The following KCNT1 variants were observed in gnomAD, a reference collection of about 807,000 sequenced individuals.
KCNT1 encodes the protein potassium sodium-activated channel subfamily T member 1, also known as potassium channel subfamily T member 1.
A neutral mutation model predicts 147.8 loss-of-function variants in KCNT1; 78 were observed. That is an observed-to-expected ratio of 0.53 (90% confidence interval 0.44 to 0.64). The LOEUF (loss-of-function observed/expected upper bound fraction) is 0.64, where lower values mean the gene tolerates loss of function less well. Ranked by LOEUF, KCNT1 falls within the 30% of genes least tolerant of loss-of-function variation. The pLI is 0.00. For synonymous variants in KCNT1, 867 were observed against 748.8 expected (o/e 1.16, Z -2.58); for missense variants, 1,419 against 1,750.3 (o/e 0.81, Z 3.38).
intron 1 of KCNT1, among the ~76,000 whole-genome samples, chr9:135,705,437 G>A (rs902405167): frequency 3.9e-5 from 6 of 152,254 alleles, no homozygotes; most frequent in Non-Finnish European, 5.9e-5. Context: ...GAACCTGGGC[G>A]CTCCGTGAGC....
chr9:135,757,331 C>G lies in KCNT1; in HGVS notation c.709C>G (p.Pro237Ala). 1 of 1,611,850 alleles carries G rather than the reference C, an allele frequency of 6.2e-7. No homozygotes were observed. Among genetic ancestry groups the G allele is most frequent in the Non-Finnish European group, 8.5e-7 (1 of 1,179,988 alleles). The change falls in exon 9 of 31, where the codon CCC becomes GCC. Residue 237 changes from proline to alanine, a missense_variant. Coordinates refer to ENST00000371757, the MANE Select transcript of KCNT1 (RefSeq NM_020822.3). Reference sequence around the variant, plus strand: ...GCCGCCGCTGCGGAACCTGTTCATCCCCGTCTTTCTGAACTGCTGGCTGGC... The same window carrying G: ...GCCGCCGCTGCGGAACCTGTTCATCGCCGTCTTTCTGAACTGCTGGCTGGC... ...FWPPLRNLFI[P>A]VFLNCWLAKH...
At position 135,775,388 on chromosome 9, in the gene KCNT1, C is replaced by T. The variant is rs1833090098; in HGVS notation, c.2322C>T (p.Ala774=). 1 of 1,611,274 alleles carries T rather than the reference C, an allele frequency of 6.2e-7. No individual in the cohort carries two copies. The highest frequency in any genetic ancestry group is 8.5e-7 in the Non-Finnish European group (1 of 1,178,660). The change falls in exon 20 of 31, where the codon GCC becomes GCT. Residue 774 remains alanine, a synonymous_variant. Coordinates refer to ENST00000371757, the MANE Select transcript of KCNT1 (RefSeq NM_020822.3). The part of the protein sequence containing the change: ...PTLCHLLPVK[A]PFCCLRLDKG... ...TGTGCCACCTCCTGCCTGTGAAAGC[C>T]CCCTTCTGCTGCCTGCGGCTGGACA...
At chr9:135,769,112 C>A (rs1240140836) in intron 15 of KCNT1, among the ~76,000 whole-genome samples, 175 bp downstream of exon 15, 1 of 96,438 alleles carries the variant, frequency 1.0e-5, no homozygotes, top group Admixed American at 8.9e-5. Context: ...CGTGTGCACA[C>A]GTGGGTGTCG....
Position 135,714,290 on chromosome 9 carries a change from A to G in KCNT1, c.111-287A>G, listed in dbSNP as rs1835624967. 6.6e-6 allele frequency among the ~76,000 whole-genome samples: 1 copy of G among 151,526 alleles called. No individual in the cohort carries two copies. The highest frequency in any genetic ancestry group is 2.4e-5 in the African/African-American group (1 of 41,294). On this transcript the variant is annotated intron_variant, in intron 1 of 30. Coordinates refer to ENST00000371757, the MANE Select transcript of KCNT1 (RefSeq NM_020822.3). This position sits in a 1 kb window ranked among gnomAD's most constrained non-coding sequence, Gnocchi z 6.2. ...CGCGCCTGTCCCTGAGCTGGCCATGACAGCTCCCGTCCCCCTTACCTCCTG... is the reference window on the plus strand; with the variant it reads ...CGCGCCTGTCCCTGAGCTGGCCATGGCAGCTCCCGTCCCCCTTACCTCCTG...
At position 135,735,669 on chromosome 9, in the gene KCNT1, C is replaced by T. The variant is rs529209066; in HGVS notation, c.255-14429C>T. On this transcript the variant is annotated intron_variant, in intron 2 of 30. Transcript: ENST00000371757. Reference sequence around the variant, plus strand: ...AGGCCCACCTGCCTCCCACAGGCCTCTGTACTCACTGGGCCCTGGCTGTTG... The same window carrying T: ...AGGCCCACCTGCCTCCCACAGGCCTTTGTACTCACTGGGCCCTGGCTGTTG... 3.3e-5 allele frequency among the ~76,000 whole-genome samples: 5 copies of T among 152,270 alleles called. No homozygotes were observed. In the East Asian group the frequency reaches 7.7e-4, roughly 24 times the overall value.
At chr9:135,757,466 C>T in intron 9 of KCNT1, 85 bp downstream of exon 9, 1 of 1,242,712 alleles carries the variant, frequency 8.0e-7, no homozygotes, top group South Asian at 1.2e-5. Flanking sequence ...GCGACGTAGC[C>T]TGCCACGCCC....
At position 135,771,066 on chromosome 9, in the gene KCNT1, T is replaced by C. The variant is rs1442527675; in HGVS notation, c.1979T>C (p.Leu660Pro). Residue 660 changes from leucine (L) to proline (P), a missense_variant, in exon 18 of 31, where the codon CTG becomes CCG. This residue lies in a region of KCNT1 where 284 missense variants were observed against 292.8 expected (regional missense o/e 0.97). Coordinates refer to ENST00000371757, the MANE Select transcript of KCNT1 (RefSeq NM_020822.3). ...GQGLHEGPARLPVHSIIASMG... is the reference protein window; with the variant it reads ...GQGLHEGPARPPVHSIIASMG... ...GGGCTGCACGAGGGTCCGGCCCGCCTGCCCGTGCACAGCATCATCGCCTCC... is the reference window on the plus strand; with the variant it reads ...GGGCTGCACGAGGGTCCGGCCCGCCCGCCCGTGCACAGCATCATCGCCTCC... 1 of 1,611,912 alleles carries C rather than the reference T, an allele frequency of 6.2e-7. No homozygotes were observed. Among genetic ancestry groups the C allele is most frequent in the African/African-American group, 1.3e-5 (1 of 75,030 alleles).
intron 2 of KCNT1, among the ~76,000 whole-genome samples, chr9:135,728,700 GC>G (rs1314100643): frequency 6.6e-6 from 1 of 152,228 alleles, no homozygotes; most frequent in Non-Finnish European, 1.5e-5. Context: ...GAGAGGGGCA[GC>G]CCAAGCCCAG....
chr9:135,764,169 T>C (rs999853453), intron 11 of KCNT1, among the ~76,000 whole-genome samples: 1 of 152,042 alleles, frequency 6.6e-6, no homozygotes, highest in Non-Finnish European at 1.5e-5. Flanking sequence ...TAACACGTGT[T>C]CAACAAGCCG....
chr9:135,731,960 G>GTA (rs776201547), intron 2 of KCNT1, among the ~76,000 whole-genome samples: 783 of 41,016 alleles, frequency 0.019, 31 homozygotes, highest in East Asian at 0.028. Context: ...AAATATGCGT[G>GTA]TATATATATA....
chr9:135,712,889 A>T (rs531435326), intron 1 of KCNT1, among the ~76,000 whole-genome samples: 1 of 152,354 alleles, frequency 6.6e-6, no homozygotes, highest in East Asian at 1.9e-4. Context: ...CAAGGGAAGA[A>T]GGGCATCTTG....
intron 6 of KCNT1, 67 bp from the exon 7 acceptor site, chr9:135,756,806 C>T: frequency 7.4e-7 from 1 of 1,357,236 alleles, no homozygotes. Context: ...CCCGCGAGGC[C>T]TGTGGGGTCA....
chr9:135,765,734 C>CA lies in KCNT1; in HGVS notation c.1314dup (p.Asp439ArgfsTer57), dbSNP rs1564363315. ...TCATCTACCTCCAGGGCTCTGCACT[C>CA]AAAGACCAGGACCTCATGCGAGCCA... On this transcript the variant is annotated frameshift_variant, in exon 13 of 31. Coordinates refer to ENST00000371757, the MANE Select transcript of KCNT1 (RefSeq NM_020822.3). LOFTEE classifies it high-confidence loss of function. 6 of 1,581,720 alleles carry CA rather than the reference C, an allele frequency of 3.8e-6. No individual in the cohort carries two copies. Among genetic ancestry groups the CA allele is most frequent in the Non-Finnish European group, 5.2e-6 (6 of 1,159,812 alleles).
At chr9:135,742,924 G>A (rs1237310825) in intron 2 of KCNT1, 1 of 681,402 alleles carries the variant, frequency 1.5e-6, no homozygotes, top group East Asian at 2.7e-5. Flanking sequence ...CTGCAGCTGG[G>A]CCAGGGCCAC....
intron 1 of KCNT1, among the ~76,000 whole-genome samples, chr9:135,710,076 G>T (rs1325390005): frequency 6.6e-6 from 1 of 152,180 alleles, no homozygotes; most frequent in Non-Finnish European, 1.5e-5. Flanking sequence ...CTTCCTGTTG[G>T]TCGCTTATTC....
chr9:135,773,898 G>A (rs1237834039), intron 19 of KCNT1, among the ~76,000 whole-genome samples: 1 of 152,244 alleles, frequency 6.6e-6, no homozygotes, highest in Non-Finnish European at 1.5e-5. Flanking sequence ...CGGGGGTGCT[G>A]GGGATGTCAG....
Position 135,730,946 on chromosome 9 carries a change from A to T in KCNT1, c.254+16226A>T, listed in dbSNP as rs1836403758. 7.0e-6 allele frequency among the ~76,000 whole-genome samples: 1 copy of T among 141,878 alleles called. No individual in the cohort carries two copies. Among genetic ancestry groups the T allele is most frequent in the Non-Finnish European group, 1.5e-5 (1 of 66,354 alleles). The allele number at this position is 141,878 out of a possible 152,430, so 93.1% of individuals were successfully genotyped here. On this transcript the variant is annotated intron_variant, in intron 2 of 30. Coordinates refer to ENST00000371757, the MANE Select transcript of KCNT1 (RefSeq NM_020822.3). This position sits in a 1 kb window ranked among gnomAD's most constrained non-coding sequence, Gnocchi z 4.7. ...GGCTGCAGTGAGCGATGTTCATGCC[A>T]CTGCACTCCAGCCTGGGCAACAAAG...
Position 135,792,960 on chromosome 9 carries a change from T to C in KCNT1, c.*799T>C, listed in dbSNP as rs973412003. On this transcript the variant is annotated 3_prime_UTR_variant, in exon 31 of 31. Transcript: ENST00000371757. The stretch of plus-strand genomic sequence containing the variant: ...CCTCATTTTCTAAACCCCTGACTTG[T>C]GAAGCACAATTCAGCCTCCGGGCTG... 1 of 152,156 alleles carries C rather than the reference T, an allele frequency of 6.6e-6. No individual in the cohort carries two copies. The highest frequency in any genetic ancestry group is 2.4e-5 in the African/African-American group (1 of 41,416). 9.4% of individuals were successfully genotyped at this position (152,156 alleles called of 1,614,324 possible). A position where few individuals can be genotyped will look rare whatever the true frequency, so the allele number is the denominator to read the frequency against.
chr9:135,725,696 G>A (rs969300543), intron 2 of KCNT1, among the ~76,000 whole-genome samples: 1 of 152,188 alleles, frequency 6.6e-6, no homozygotes, highest in African/African-American at 2.4e-5. Context: ...GGGGCCCCAG[G>A]GGCCACTAAG....
Sources: allele counts gnomAD v4.1 joint callset (sites outside exome capture counted in the v4.1 genomes callset), GRCh38; gene constraint gnomAD v4.1.1; regional missense constraint gnomAD v4.1.1; non-coding constraint Gnocchi (gnomAD v3.1); transcripts MANE v1.5; gene names NCBI Gene and HGNC (gene_info 2026-07-23, HGNC 2026-07-21).